The following LRRC45 variants were observed in gnomAD, a reference collection of about 807,000 sequenced individuals.
LRRC45 encodes leucine rich repeat containing 45.
A neutral mutation model predicts 85.4 loss-of-function variants in LRRC45; 73 were observed. That is an observed-to-expected ratio of 0.85 (90% confidence interval 0.71 to 1.04). The LOEUF (loss-of-function observed/expected upper bound fraction) is 1.04. Ranked by LOEUF, LRRC45 falls within the 50% of genes least tolerant of loss-of-function variation. The probability of loss-of-function intolerance (pLI) is 0.00; values close to 1 mark genes in which losing one functional copy is unlikely to be tolerated. For missense variants in LRRC45, 937 were observed against 883.3 expected, an observed-to-expected ratio of 1.06 and a Z score of -0.77; for synonymous variants, 429 against 386.0, an observed-to-expected ratio of 1.11 and a Z score of -1.31.
chr17:82,026,804 C>G (rs2043371778), intron 5 of LRRC45, 95 bp from the exon 6 acceptor site: 1 of 931,986 alleles, frequency 1.1e-6, no homozygotes, highest in African/African-American at 1.6e-5. Flanking sequence ...GGTCTCGAAC[C>G]CCTGACCTCA....
In LRRC45 at chr17:82,023,771, C is replaced by A; in HGVS notation, c.128C>A (p.Thr43Lys). 6.4e-7 allele frequency: 1 copy of A among 1,562,114 alleles called. No homozygotes were observed. Among genetic ancestry groups the A allele is most frequent in the Non-Finnish European group, 8.6e-7 (1 of 1,156,302 alleles). ...GRLDLATQSL[T>K]VETCRALGKL... ...CTGGACCTGGCCACGCAAAGCCTGA[C>A]GGTGGAGACCTGCAGGGCCCTGGGC... Residue 43 changes from threonine (T) to lysine (K), a missense_variant, in exon 1 of 17, where the codon ACG becomes AAG. Thr to Lys is a moderately conservative substitution (Grantham distance 78). Transcript: ENST00000306688.
chr17:82,028,064 T>G lies in LRRC45; in HGVS notation c.965T>G (p.Leu322Arg), dbSNP rs1598455610. Residue 322 changes from leucine to arginine, a missense_variant, in exon 9 of 17, where the codon CTG becomes CGG. By Grantham distance (102) the Leu-to-Arg change is moderately radical (BLOSUM62 -2). Coordinates refer to ENST00000306688, the MANE Select transcript of LRRC45 (RefSeq NM_144999.4). ...CTGTCGGAGCAGAAGGCCCAGGACC[T>G]GGGGGAGCTCCTGGCCACAGCGGAG... ...LALSEQKAQD[L>R]GELLATAEQE... The G allele has an allele frequency of 6.2e-7, 1 of 1,601,892 alleles. No individual in the cohort carries two copies. Among genetic ancestry groups the G allele is most frequent in the Non-Finnish European group, 8.5e-7 (1 of 1,175,924 alleles).
intron 6 of LRRC45, 27 bp downstream of exon 6, chr17:82,027,038 G>A: frequency 6.5e-7 from 1 of 1,548,482 alleles, no homozygotes; most frequent in South Asian, 1.2e-5. Flanking sequence ...CACTGACCTT[G>A]GAGCTGCTTA....
intron 7 of LRRC45, 102 bp downstream of exon 7, chr17:82,027,546 G>A: frequency 1.3e-6 from 2 of 1,556,536 alleles, no homozygotes; most frequent in South Asian, 2.2e-5. Flanking sequence ...GCCACGAGGA[G>A]GTCGCTGGAG....
chr17:82,027,606 G>A (rs1198966791), intron 7 of LRRC45, 68 bp from the exon 8 acceptor site: 26 of 1,551,128 alleles, frequency 1.7e-5, no homozygotes, highest in East Asian at 6.9e-5. Context: ...AGCAGCTACC[G>A]AGGCCAGAGG....
At chr17:82,026,135 G>A (rs573709348) in intron 5 of LRRC45, among the ~76,000 whole-genome samples, 11 of 152,318 alleles carry the variant, frequency 7.2e-5, no homozygotes, top group East Asian at 3.9e-4. Context: ...CAGCTGCGCC[G>A]TCCCTGGCTT....
chr17:82,030,134 G>A lies in LRRC45; in HGVS notation c.1564G>A (p.Ala522Thr), dbSNP rs1201773813. 6 of 1,547,928 alleles carry A rather than the reference G, an allele frequency of 3.9e-6. No individual in the cohort carries two copies. Among genetic ancestry groups the A allele is most frequent in the East Asian group, 2.4e-5 (1 of 40,998 alleles). ...GCAGGCACGGGACGAGGCGCAGGGC[G>A]CTTGCCTACAGCAGAAGCAGGTGGT... ...LAQARDEAQG[A>T]CLQQKQVVAE... Residue 522 changes from alanine (A) to threonine (T), a missense_variant, in exon 15 of 17, where the codon GCT becomes ACT. Ala to Thr is a moderately conservative substitution (Grantham distance 58). Coordinates refer to ENST00000306688, the MANE Select transcript of LRRC45 (RefSeq NM_144999.4).
Position 82,024,263 on chromosome 17 carries a change from G to A in LRRC45, c.221-15G>A, listed in dbSNP as rs747583117. On this transcript the variant is annotated splice_polypyrimidine_tract_variant and intron_variant, in intron 1 of 16. Transcript: ENST00000306688. ...CAGCAGGGGCAGAGAGTGACCGCCGGCCCCCCTTACACAGGGGCCACACTG... is the reference window on the plus strand; with the variant it reads ...CAGCAGGGGCAGAGAGTGACCGCCGACCCCCCTTACACAGGGGCCACACTG... The A allele has an allele frequency of 1.2e-6, 2 of 1,610,852 alleles. No individual in the cohort carries two copies. Among genetic ancestry groups the A allele is most frequent in the East Asian group, 4.5e-5 (2 of 44,880 alleles).
Position 82,027,900 on chromosome 17 carries a change from C to T in LRRC45, c.912-111C>T, listed in dbSNP as rs557488648. The T allele has an allele frequency of 4.1e-4, 624 of 1,510,566 alleles. 2 individuals carry two copies. In the South Asian group the frequency reaches 4.3e-3, roughly 10 times the overall value. The allele number at this position is 1,510,566 out of a possible 1,614,324, so 93.6% of individuals were successfully genotyped here. The stretch of plus-strand genomic sequence containing the variant: ...AACCCAGAAGCCTTCCTGGAGGAGG[C>T]GGGTGCTGGCTGGGGTTGACTAGGT... On this transcript the variant is annotated intron_variant, in intron 8 of 16. Coordinates refer to ENST00000306688, the MANE Select transcript of LRRC45 (RefSeq NM_144999.4).
intron 4 of LRRC45, 66 bp from the exon 5 acceptor site, chr17:82,025,313 C>A (rs1469761385): frequency 1.3e-6 from 2 of 1,529,946 alleles, no homozygotes; most frequent in South Asian, 1.3e-5. Context: ...TAGGGAAGCA[C>A]CCCGGCCAGG....
At position 82,029,711 on chromosome 17, in the gene LRRC45, C is replaced by G. The variant is rs906428644; in HGVS notation, c.1494+76C>G. The stretch of plus-strand genomic sequence containing the variant: ...TGCGGCCCGCATGCAGACTCCAGAG[C>G]TTCGGTCTGAGTGGGGAGGCGGGAG... On this transcript the variant is annotated intron_variant, in intron 14 of 16. Coordinates refer to ENST00000306688, the MANE Select transcript of LRRC45 (RefSeq NM_144999.4). 7 of 1,410,510 alleles carry G rather than the reference C, an allele frequency of 5.0e-6. No individual in the cohort carries two copies. In the East Asian group the frequency reaches 1.7e-4, roughly 35 times the overall value. 87.4% of individuals were successfully genotyped at this position (1,410,510 alleles called of 1,614,324 possible).
rs189382460 is a variant in LRRC45, at chr17:82,023,507, C to T, written c.-137C>T. 2.5e-3 allele frequency: 1,834 copies of T among 746,922 alleles called. 18 individuals are homozygous for T. Among genetic ancestry groups the T allele is most frequent in the South Asian group, 0.011 (553 of 51,152 alleles). The allele number at this position is 746,922 out of a possible 1,614,324, so 46.3% of individuals were successfully genotyped here. On this transcript the variant is annotated 5_prime_UTR_variant, in exon 1 of 17. Coordinates refer to ENST00000306688, the MANE Select transcript of LRRC45 (RefSeq NM_144999.4). The stretch of plus-strand genomic sequence containing the variant: ...CTCCCAGGACCTCCCGCCCGCGGAG[C>T]CCACTCGGATTGCTCTCCGCCCGGG...
chr17:82,028,792 C>G (rs958714210), intron 12 of LRRC45, 109 bp downstream of exon 12: 10 of 1,255,580 alleles, frequency 8.0e-6, no homozygotes, highest in Non-Finnish European at 1.1e-5. Flanking sequence ...CCTTGGGTCA[C>G]TGGGTGGCCG....
intron 4 of LRRC45, 37 bp from the exon 5 acceptor site, chr17:82,025,342 G>A (rs376595342): frequency 6.5e-7 from 1 of 1,545,848 alleles, no homozygotes; most frequent in South Asian, 1.3e-5. Flanking sequence ...CCCTCTGCCA[G>A]GTGCATTCTG....
At chr17:82,030,526 C>T in intron 16 of LRRC45, 60 bp downstream of exon 16, 1 of 1,512,736 alleles carries the variant, frequency 6.6e-7, no homozygotes, top group African/African-American at 1.4e-5. Flanking sequence ...AGCCAGAGAG[C>T]GGGGCTGGCC....
At chr17:82,023,965 GC>G in intron 1 of LRRC45, 102 bp downstream of exon 1, 1 of 1,187,184 alleles carries the variant, frequency 8.4e-7, no homozygotes, top group Admixed American at 2.3e-5. Context: ...CAATTTCTGT[GC>G]CGTAGTTAAA....
intron 5 of LRRC45, 139 bp downstream of exon 5, chr17:82,025,646 G>A (rs2144141225): frequency 1.8e-6 from 2 of 1,138,320 alleles, no homozygotes; most frequent in East Asian, 2.8e-5. Flanking sequence ...GGAGCGGAGG[G>A]GTCGTGGGGC....
At position 82,028,382 on chromosome 17, in the gene LRRC45, G is replaced by C; in HGVS notation, c.1126-15G>C. The C allele has an allele frequency of 6.2e-7, 1 of 1,611,764 alleles. No homozygotes were observed. Among genetic ancestry groups the C allele is most frequent in the Non-Finnish European group, 8.5e-7 (1 of 1,179,676 alleles). On this transcript the variant is annotated splice_polypyrimidine_tract_variant and intron_variant, in intron 10 of 16. Transcript: ENST00000306688. ...GGGCTGGGCTGCAGCTTCCCTCCCT[G>C]GTGCCGGCTTTCAGGTAGACGAGTT...
intron 13 of LRRC45, 59 bp from the exon 14 acceptor site, chr17:82,029,484 G>A (rs1379434725): frequency 1.3e-6 from 2 of 1,524,490 alleles, no homozygotes; most frequent in African/African-American, 1.4e-5. Flanking sequence ...ATGGGCCAGA[G>A]AGAGAAGGGC....
Sources: allele counts gnomAD v4.1 joint callset (sites outside exome capture counted in the v4.1 genomes callset), GRCh38; gene constraint gnomAD v4.1.1; transcripts MANE v1.5; gene names NCBI Gene and HGNC (gene_info 2026-07-23, HGNC 2026-07-21).